Variants in WDR48 observed in about 807,000 individuals in gnomAD.
WDR48 encodes WD repeat-containing protein 48.
In WDR48, 22 loss-of-function variants were observed where a neutral mutation model predicts 94.0. The observed-to-expected ratio is 0.23, with a 90% CI of 0.17 to 0.33. WDR48 has a LOEUF of 0.33. Among genes scored for constraint, WDR48 ranks in the 10% least tolerant of loss-of-function variants. WDR48 has a pLI of 1.00. For synonymous variants in WDR48, 278 were observed against 280.5 expected (o/e 0.99, Z 0.09); for missense variants, 541 against 813.8 (o/e 0.66, Z 4.08).
chr3:39,075,845 C>G (rs770245528), intron 8 of WDR48, among the ~76,000 whole-genome samples: 15 of 152,050 alleles, frequency 9.9e-5, no homozygotes, highest in Non-Finnish European at 1.9e-4. Flanking sequence ...AGGCACCCAC[C>G]ACCATGCCCA....
chr3:39,081,981 AG>A (rs1396745829), intron 11 of WDR48, among the ~76,000 whole-genome samples: 1 of 152,232 alleles, frequency 6.6e-6, no homozygotes, highest in Non-Finnish European at 1.5e-5. Context: ...GGAGTTTTTT[AG>A]GAACATTGGC....
At chr3:39,054,948 A>G (rs1466044303) in intron 1 of WDR48, among the ~76,000 whole-genome samples, 1 of 152,238 alleles carries the variant, frequency 6.6e-6, no homozygotes, top group Admixed American at 6.5e-5. Context: ...GTGATTATAG[A>G]TAAGACAGGA....
chr3:39,056,853 T>C (rs751430491), intron 1 of WDR48, among the ~76,000 whole-genome samples: 5 of 152,126 alleles, frequency 3.3e-5, no homozygotes, highest in African/African-American at 7.2e-5. Context: ...CAGGAAACAA[T>C]GGCTGTAACC....
At chr3:39,075,860 A>ATT (rs940300367) in intron 8 of WDR48, among the ~76,000 whole-genome samples, 1 of 150,646 alleles carries the variant, frequency 6.6e-6, no homozygotes, top group Non-Finnish European at 1.5e-5. Flanking sequence ...TGCCCAGCTA[A>ATT]TTTTTTTTTG....
intron 9 of WDR48, 36 bp from the exon 10 acceptor site, chr3:39,078,101 C>A: frequency 6.7e-7 from 1 of 1,481,928 alleles, no homozygotes; most frequent in South Asian, 1.2e-5. Flanking sequence ...GCTTGTAGAG[C>A]ATAACATGAT....
chr3:39,094,452 A>G, intron 18 of WDR48, 196 bp from the exon 19 acceptor site: 1 of 1,532,636 alleles, frequency 6.5e-7, no homozygotes. Flanking sequence ...TGTTTCTGGC[A>G]TAGTCACAAA....
In WDR48 at chr3:39,095,678, A is replaced by G. The variant is rs2035300884; in HGVS notation, c.*935A>G. The stretch of plus-strand genomic sequence containing the variant: ...GGAGATCATAGTGAGTTAATTTGAT[A>G]TTCATATCCTGGAAGTATACATATT... On this transcript the variant is annotated 3_prime_UTR_variant, in exon 19 of 19. Transcript: ENST00000302313. 6.6e-6 allele frequency: 1 copy of G among 152,340 alleles called. No homozygotes were observed. The highest frequency in any genetic ancestry group is 1.5e-5 in the Non-Finnish European group (1 of 68,048). 9.4% of individuals were successfully genotyped at this position (152,340 alleles called of 1,614,324 possible).
Position 39,052,052 on chromosome 3 carries a change from A to G in WDR48, c.27A>G (p.Thr9=), listed in dbSNP as rs767254797. The change falls in exon 1 of 19, where the codon ACA becomes ACG. Residue 9 remains threonine (T), a synonymous_variant. Transcript: ENST00000302313. ...TGGCGGCCCATCACCGGCAGAACAC[A>G]GCAGGGCGGAGGAAAGTGCAGGTAT... MAAHHRQN[T]AGRRKVQVSY... 71 of 1,613,832 alleles carry G rather than the reference A, an allele frequency of 4.4e-5. No individual in the cohort carries two copies. The highest frequency in any genetic ancestry group is 5.7e-5 in the Non-Finnish European group (67 of 1,179,992).
intron 3 of WDR48, 70 bp from the exon 4 acceptor site, chr3:39,066,478 G>A (rs568243821): frequency 4.9e-5 from 63 of 1,274,318 alleles, no homozygotes; most frequent in Non-Finnish European, 7.1e-5. Context: ...ATGTTACATT[G>A]TTGTAAGATA....
intron 1 of WDR48, among the ~76,000 whole-genome samples, chr3:39,054,969 C>A (rs2032768426): frequency 6.6e-6 from 1 of 152,200 alleles, no homozygotes; most frequent in South Asian, 2.1e-4. Flanking sequence ...CATGGGATAT[C>A]TTTTAGTTTG....
intron 3 of WDR48, 107 bp downstream of exon 3, chr3:39,065,996 T>G: frequency 1.4e-6 from 1 of 729,890 alleles, no homozygotes; most frequent in Non-Finnish European, 2.1e-6. Flanking sequence ...ACTTCGAGAT[T>G]GCAGTTCAAC....
chr3:39,091,594 T>C, intron 16 of WDR48, 31 bp from the exon 17 acceptor site: 2 of 1,513,632 alleles, frequency 1.3e-6, no homozygotes, highest in South Asian at 1.2e-5. Context: ...TAATAGAAAC[T>C]GTTATACCTT....
intron 1 of WDR48, among the ~76,000 whole-genome samples, chr3:39,058,266 A>G (rs940017708): frequency 8.5e-5 from 13 of 152,210 alleles, no homozygotes; most frequent in African/African-American, 3.1e-4. Context: ...CCTGGCCTAC[A>G]TCAACATTTT....
chr3:39,076,477 A>C (rs1256711085), intron 8 of WDR48, among the ~76,000 whole-genome samples: 1 of 152,182 alleles, frequency 6.6e-6, no homozygotes, highest in Non-Finnish European at 1.5e-5. Flanking sequence ...AAACATAATT[A>C]TATGTTATAA....
chr3:39,052,543 G>C (rs1316338022), intron 1 of WDR48: 1 of 164,946 alleles, frequency 6.1e-6, no homozygotes, highest in African/African-American at 2.4e-5. Context: ...CGGGGTTTCT[G>C]CTGAGGATTC....
rs1280410732 is a variant in WDR48, at chr3:39,062,929, G to A, written c.49-121G>A. 1.6e-6 allele frequency: 2 copies of A among 1,285,474 alleles called. 1 individual carries two copies. 79.6% of individuals were successfully genotyped at this position (1,285,474 alleles called of 1,614,324 possible). On this transcript the variant is annotated intron_variant, in intron 1 of 18. Transcript: ENST00000302313. The stretch of plus-strand genomic sequence containing the variant: ...GGAGTAAAATTTAAATTTGTATTGG[G>A]TTGAAAAAGTACATATTGGAAAACA...
chr3:39,067,716 T>C (rs909452566), intron 5 of WDR48, among the ~76,000 whole-genome samples: 2 of 152,226 alleles, frequency 1.3e-5, no homozygotes, highest in Non-Finnish European at 2.9e-5. Context: ...CACATTGACA[T>C]AGACAATACA....
At chr3:39,053,188 A>G (rs1459641549) in intron 1 of WDR48, among the ~76,000 whole-genome samples, 10 of 152,240 alleles carry the variant, frequency 6.6e-5, no homozygotes, top group Non-Finnish European at 1.5e-4. Flanking sequence ...CCAAAGGGGA[A>G]AAGGGATTGA....
chr3:39,081,248 AAG>A lies in WDR48; in HGVS notation c.1173+1444_1173+1445del, dbSNP rs1485446437. Among the ~76,000 whole-genome samples, 5 of 152,360 alleles carry A rather than the reference AAG, an allele frequency of 3.3e-5. No individual in the cohort carries two copies. The South Asian group carries it at 1.0e-3, about 32-fold the overall frequency. Reference sequence around the variant, plus strand: ...TGGTTAAGCTCCTGGTTATAAAGAAAAGAGATTCACTTAATGAACTAAAGAAT... The same window carrying A: ...TGGTTAAGCTCCTGGTTATAAAGAAAAGATTCACTTAATGAACTAAAGAAT... On this transcript the variant is annotated intron_variant, in intron 11 of 18. Coordinates refer to ENST00000302313, the MANE Select transcript of WDR48 (RefSeq NM_020839.4).
Sources: gnomAD v4.1 joint callset for allele counts (sites outside exome capture counted in the v4.1 genomes callset) on GRCh38, gnomAD v4.1.1 for gene constraint, MANE v1.5 for transcripts, NCBI Gene and HGNC (gene_info 2026-07-23, HGNC 2026-07-21) for gene names.